PCGF5: variants seen among roughly 807,000 people sequenced by gnomAD.
PCGF5 encodes the protein polycomb group RING finger protein 5.
In PCGF5, 9 loss-of-function variants were observed where a neutral mutation model predicts 44.3. That is an observed-to-expected ratio of 0.20 (90% CI 0.12 to 0.35). PCGF5 has a LOEUF of 0.35. Among genes scored for constraint, PCGF5 ranks in the 10% least tolerant of loss-of-function variants. PCGF5 has a pLI of 1.00. For missense variants in PCGF5, 146 were observed against 305.3 expected (o/e 0.48, Z 3.89); for synonymous variants, 95 against 102.5 (o/e 0.93, Z 0.44).
At position 91,261,361 on chromosome 10, in the gene PCGF5, T is replaced by TGTAA; in HGVS notation, c.511_514dup (p.Thr172SerfsTer7). On this transcript the variant is annotated frameshift_variant, in exon 7 of 10. Transcript: ENST00000336126. LOFTEE classifies it high-confidence loss of function. ...AGAAATTCATTCGATGTTCTACACG[T>TGTAA]GTAACTGTGGGAACTATTAAAAAAT... 1 of 1,508,406 alleles carries TGTAA rather than the reference T, an allele frequency of 6.6e-7. No homozygotes were observed. The highest frequency in any genetic ancestry group is 9.0e-7 in the Non-Finnish European group (1 of 1,115,160). 93.4% of individuals were successfully genotyped at this position (1,508,406 alleles called of 1,614,324 possible).
At chr10:91,211,274 T>C (rs2133252280) in intron 1 of PCGF5, among the ~76,000 whole-genome samples, 1 of 152,322 alleles carries the variant, frequency 6.6e-6, no homozygotes, top group East Asian at 1.9e-4. Context: ...TTGATGTGAT[T>C]AGCTGGGGGG....
At chr10:91,181,707 G>A (rs556777076) in intron 1 of PCGF5, among the ~76,000 whole-genome samples, 7 of 152,248 alleles carry the variant, frequency 4.6e-5, no homozygotes, top group African/African-American at 1.2e-4. Flanking sequence ...CTTGCATCCC[G>A]GGGATGAAGA....
chr10:91,172,185 G>A (rs1221959045), intron 1 of PCGF5, among the ~76,000 whole-genome samples: 1 of 152,020 alleles, frequency 6.6e-6, no homozygotes, highest in Non-Finnish European at 1.5e-5. Flanking sequence ...AGCACTTTGG[G>A]AGGAGGAGGT....
chr10:91,189,157 C>T (rs962012932), intron 1 of PCGF5, among the ~76,000 whole-genome samples: 6 of 152,244 alleles, frequency 3.9e-5, no homozygotes, highest in Admixed American at 6.5e-5. Context: ...CCATGGCCTC[C>T]ATCTGAAACA....
chr10:91,276,502 A>C (rs1005143458), intron 9 of PCGF5, among the ~76,000 whole-genome samples: 15 of 152,216 alleles, frequency 9.9e-5, no homozygotes, highest in African/African-American at 3.4e-4. Flanking sequence ...CAAAACACAA[A>C]TAGAACTTAA....
chr10:91,166,973 G>C (rs2133159950), intron 1 of PCGF5, among the ~76,000 whole-genome samples: 1 of 152,292 alleles, frequency 6.6e-6, no homozygotes, highest in Admixed American at 6.5e-5. Context: ...CGGAGAATAG[G>C]TGGTCAGGAT....
chr10:91,170,841 C>T (rs1843591501), intron 1 of PCGF5, among the ~76,000 whole-genome samples: 2 of 152,114 alleles, frequency 1.3e-5, no homozygotes, highest in South Asian at 2.1e-4. Flanking sequence ...TCATAATTGC[C>T]AAAACTTGGA....
chr10:91,277,482 AAAC>A (rs1454059872), intron 9 of PCGF5, among the ~76,000 whole-genome samples: 1 of 152,234 alleles, frequency 6.6e-6, no homozygotes, highest in Non-Finnish European at 1.5e-5. Flanking sequence ...TACAGGGTAA[AAAC>A]AAACACAGAG....
chr10:91,201,409 C>T (rs138343939), intron 1 of PCGF5, among the ~76,000 whole-genome samples: 48 of 152,184 alleles, frequency 3.2e-4, no homozygotes, highest in African/African-American at 1.1e-3. Context: ...ATGCCATCAA[C>T]GTATGAATTT....
chr10:91,158,394 T>C (rs1385605422), upstream of PCGF5, among the ~76,000 whole-genome samples: 3 of 152,282 alleles, frequency 2.0e-5, no homozygotes, highest in African/African-American at 7.2e-5. Flanking sequence ...GGATGACAAC[T>C]AGCTACGGCG....
chr10:91,177,701 A>G (rs914304277), intron 1 of PCGF5, among the ~76,000 whole-genome samples: 8 of 152,208 alleles, frequency 5.3e-5, no homozygotes, highest in African/African-American at 1.9e-4. Context: ...AGGACCCTCC[A>G]AGCCAGGTGC....
chr10:91,245,831 T>C (rs150345155), intron 3 of PCGF5, among the ~76,000 whole-genome samples: 102 of 152,130 alleles, frequency 6.7e-4, no homozygotes, highest in African/African-American at 2.3e-3. Context: ...AGGAAAGGGA[T>C]TTGGAGAGTT....
intron 1 of PCGF5, among the ~76,000 whole-genome samples, chr10:91,213,952 T>C (rs1483120302): frequency 6.6e-6 from 1 of 152,134 alleles, no homozygotes; most frequent in Non-Finnish European, 1.5e-5. Context: ...AAGGTCATAT[T>C]CTTTGAAGGT....
At chr10:91,163,070 CT>C (rs1171146682) in exon 1 of PCGF5, 1 of 149,070 alleles carries the variant, frequency 6.7e-6, no homozygotes, top group East Asian at 2.0e-4. Flanking sequence ...ATCGTGGCCT[CT>C]CGAGAGCAAG....
chr10:91,241,446 A>G (rs932791394), intron 3 of PCGF5, among the ~76,000 whole-genome samples: 2 of 152,136 alleles, frequency 1.3e-5, no homozygotes, highest in African/African-American at 4.8e-5. Flanking sequence ...GGAAATCTAG[A>G]GAAGTGATAT....
chr10:91,230,142 T>G (rs1448539446), intron 2 of PCGF5, among the ~76,000 whole-genome samples: 1 of 152,212 alleles, frequency 6.6e-6, no homozygotes, highest in African/African-American at 2.4e-5. Context: ...TAGTGGACAC[T>G]AAAGCACACA....
At chr10:91,212,654 A>G (rs1420378932) in intron 1 of PCGF5, among the ~76,000 whole-genome samples, 1 of 152,184 alleles carries the variant, frequency 6.6e-6, no homozygotes, top group Admixed American at 6.5e-5. Context: ...GTACAGCCTA[A>G]CTTCTATAAC....
intron 2 of PCGF5, among the ~76,000 whole-genome samples, chr10:91,237,835 C>CT (rs943509733): frequency 1.9e-4 from 29 of 151,954 alleles, no homozygotes; most frequent in African/African-American, 7.0e-4. Flanking sequence ...ATTGAAACCT[C>CT]TTTTTTACCA....
intron 1 of PCGF5, among the ~76,000 whole-genome samples, chr10:91,197,869 C>A (rs1844168799): frequency 6.6e-6 from 1 of 152,126 alleles, no homozygotes; most frequent in South Asian, 2.1e-4. Flanking sequence ...GAAATAGAAA[C>A]AAGATTTTCT....
Sources: allele counts gnomAD v4.1 joint callset (sites outside exome capture counted in the v4.1 genomes callset), GRCh38; gene constraint gnomAD v4.1.1; transcripts MANE v1.5; gene names NCBI Gene and HGNC (gene_info 2026-07-23, HGNC 2026-07-21).